The following BICDL1 variants were observed in gnomAD, a reference collection of about 807,000 sequenced individuals.
The protein encoded by BICDL1 is BICD family like cargo adaptor 1, also known as BICD family-like cargo adapter 1.
BICDL1 carries 20 observed loss-of-function variants against 76.8 expected under a neutral mutation model. That is an observed-to-expected ratio of 0.26 (90% CI 0.18 to 0.38). The LOEUF is 0.38. Ranked by LOEUF, BICDL1 falls within the 10% of genes least tolerant of loss-of-function variation. BICDL1 has a pLI of 1.00. For missense variants in BICDL1, 700 were observed against 798.6 expected (o/e 0.88, Z 1.49); for synonymous variants, 383 against 337.1 (o/e 1.14, Z -1.49).
chr12:120,056,529 A>C (rs956029786), intron 2 of BICDL1, among the ~76,000 whole-genome samples: 1 of 151,928 alleles, frequency 6.6e-6, no homozygotes, highest in African/African-American at 2.4e-5. Flanking sequence ...GACCAGCCTG[A>C]CCAACGTGGT....
intron 8 of BICDL1, among the ~76,000 whole-genome samples, chr12:120,086,892 G>A (rs904994866): frequency 1.3e-5 from 2 of 152,236 alleles, no homozygotes; most frequent in South Asian, 4.1e-4. Flanking sequence ...ACGGTGCAGC[G>A]CGTGGCCAGG....
chr12:120,080,212 G>T lies in BICDL1; in HGVS notation c.1453-675G>T, dbSNP rs993676549. Among the ~76,000 whole-genome samples the T allele has an allele frequency of 7.2e-5, 11 of 152,360 alleles. No individual in the cohort carries two copies. In the South Asian group the frequency reaches 1.2e-3, roughly 17 times the overall value. On this transcript the variant is annotated intron_variant, in intron 7 of 9. Coordinates refer to ENST00000548673, the MANE Select transcript of BICDL1 (RefSeq NM_001367886.1). ...TGTGGTCCCTGACGGAGCCACTGGA[G>T]GGGTGCCTCACTGCCAAAGGTTGAC...
chr12:120,045,362 G>A (rs969304491), intron 2 of BICDL1, among the ~76,000 whole-genome samples: 1 of 150,746 alleles, frequency 6.6e-6, no homozygotes, highest in Non-Finnish European at 1.5e-5. Flanking sequence ...TCAGTGTGGC[G>A]ATTCCTCAGG....
intron 2 of BICDL1, among the ~76,000 whole-genome samples, chr12:120,046,322 T>G (rs1952749822): frequency 6.6e-6 from 1 of 152,214 alleles, no homozygotes; most frequent in African/African-American, 2.4e-5. Context: ...TAGACTTTTC[T>G]GTGCCAGTGA....
chr12:120,085,095 C>A, intron 8 of BICDL1, among the ~76,000 whole-genome samples: 1 of 152,186 alleles, frequency 6.6e-6, no homozygotes, highest in African/African-American at 2.4e-5. Flanking sequence ...TCCCACATAA[C>A]GATGTATCTT....
intron 2 of BICDL1, among the ~76,000 whole-genome samples, chr12:120,020,866 T>C (rs1952164821): frequency 6.6e-6 from 1 of 152,248 alleles, no homozygotes; most frequent in African/African-American, 2.4e-5. Context: ...ACCTATGCTG[T>C]GTTCTTGTGA....
At chr12:120,027,076 G>T (rs953480358) in intron 2 of BICDL1, among the ~76,000 whole-genome samples, 17 of 145,918 alleles carry the variant, frequency 1.2e-4, no homozygotes, top group Non-Finnish European at 2.1e-4. Context: ...TGTCGCCTGG[G>T]CTGGAGTGCA....
chr12:120,048,453 G>A (rs1036618620), intron 2 of BICDL1, among the ~76,000 whole-genome samples: 7 of 152,070 alleles, frequency 4.6e-5, no homozygotes, highest in African/African-American at 1.7e-4. Context: ...TCATAAACAT[G>A]ATGATTGGGC....
rs530202415 is a variant in BICDL1 at position 120,027,754 on chromosome 12, G to A, written c.645+29018G>A. Among the ~76,000 whole-genome samples, 7 of 152,324 alleles carry A rather than the reference G, an allele frequency of 4.6e-5. No homozygotes were observed. In the South Asian group the frequency reaches 1.4e-3, roughly 32 times the overall value. ...GTCCTAGAATTTTCTCTTGGGTATA[G>A]TGTAGTAAGCATCCAAAATATGTTT... On this transcript the variant is annotated intron_variant, in intron 2 of 9. Transcript: ENST00000548673.
intron 8 of BICDL1, among the ~76,000 whole-genome samples, chr12:120,088,623 C>G (rs1429932708): frequency 6.6e-6 from 1 of 151,802 alleles, no homozygotes; most frequent in African/African-American, 2.4e-5. Context: ...TCCCAAAGTG[C>G]TGGGATTACA....
At chr12:120,054,255 A>G (rs928292957) in intron 2 of BICDL1, among the ~76,000 whole-genome samples, 9 of 151,832 alleles carry the variant, frequency 5.9e-5, no homozygotes, top group African/African-American at 2.2e-4. Context: ...TTGCTTTTTT[A>G]GTAGAGATAG....
At chr12:120,006,615 G>T (rs1172361199) in intron 2 of BICDL1, among the ~76,000 whole-genome samples, 2 of 152,180 alleles carry the variant, frequency 1.3e-5, no homozygotes, top group Non-Finnish European at 2.9e-5. Flanking sequence ...CCTTTGGGGA[G>T]GTGAAGTTTG....
At chr12:120,087,012 T>C (rs978667717) in intron 8 of BICDL1, among the ~76,000 whole-genome samples, 7 of 152,186 alleles carry the variant, frequency 4.6e-5, no homozygotes, top group African/African-American at 1.7e-4. Context: ...CATCTGTCCC[T>C]CGCCGGCAAC....
intron 9 of BICDL1, chr12:120,091,862 GT>G (rs1566275209): frequency 1.0e-6 from 1 of 985,102 alleles, no homozygotes; most frequent in Non-Finnish European, 1.2e-6. Context: ...CCCTCATCTC[GT>G]CAGTGGCTGC....
intron 2 of BICDL1, among the ~76,000 whole-genome samples, chr12:120,011,723 A>G (rs561466736): frequency 6.6e-6 from 1 of 152,368 alleles, no homozygotes; most frequent in East Asian, 1.9e-4. Flanking sequence ...GTTATAATAC[A>G]TAAACCCTAA....
intron 5 of BICDL1, among the ~76,000 whole-genome samples, chr12:120,072,253 A>C (rs940472882): frequency 1.3e-5 from 2 of 152,256 alleles, no homozygotes; most frequent in African/African-American, 4.8e-5. Flanking sequence ...GATTATATAA[A>C]GAAGTGCTTT....
chr12:120,012,496 A>G (rs1022518080), intron 2 of BICDL1, among the ~76,000 whole-genome samples: 17 of 152,196 alleles, frequency 1.1e-4, no homozygotes, highest in African/African-American at 3.9e-4. Context: ...GGCTTTTCAC[A>G]TTGTCCCAGT....
Position 120,088,553 on chromosome 12 carries a change from C to T in BICDL1, c.1584-1398C>T, listed in dbSNP as rs1035680820. On this transcript the variant is annotated intron_variant, in intron 8 of 9. Coordinates refer to ENST00000548673, the MANE Select transcript of BICDL1 (RefSeq NM_001367886.1). ...TGTATTTTTAGCAGAGATGGGTTTTCGCCATGTTGGCCAGGCTGGTCTCGA... is the reference window on the plus strand; with the variant it reads ...TGTATTTTTAGCAGAGATGGGTTTTTGCCATGTTGGCCAGGCTGGTCTCGA... Among the ~76,000 whole-genome samples, 22 of 151,894 alleles carry T rather than the reference C, an allele frequency of 1.4e-4. No individual in the cohort carries two copies. The East Asian group carries it at 1.6e-3, about 11-fold the overall frequency.
chr12:120,092,212 C>T (rs1448958263), intron 9 of BICDL1: 7 of 985,328 alleles, frequency 7.1e-6, no homozygotes, highest in African/African-American at 1.7e-5. Flanking sequence ...GCTGCCCTGT[C>T]CACAGGCTTC....
Sources: gnomAD v4.1 joint callset for allele counts (sites outside exome capture counted in the v4.1 genomes callset) on GRCh38, gnomAD v4.1.1 for gene constraint, MANE v1.5 for transcripts, NCBI Gene and HGNC (gene_info 2026-07-23, HGNC 2026-07-21) for gene names.